The following KLHL20 variants were observed in gnomAD, a reference collection of about 807,000 sequenced individuals.
KLHL20 encodes kelch-like protein 20.
A neutral mutation model predicts 69.5 loss-of-function variants in KLHL20; 29 were observed. That is an observed-to-expected ratio of 0.42 (90% CI 0.31 to 0.57). The LOEUF is 0.57. Ranked by LOEUF, KLHL20 falls within the 20% of genes least tolerant of loss-of-function variation. KLHL20 has a pLI of 0.18. For missense variants in KLHL20, 419 were observed against 776.0 expected (o/e 0.54, Z 5.47); for synonymous variants, 253 against 265.2 (o/e 0.95, Z 0.45).
At chr1:173,755,824 T>C in intron 5 of KLHL20, 99 bp from the exon 6 acceptor site, 1 of 710,196 alleles carries the variant, frequency 1.4e-6, no homozygotes, top group Non-Finnish European at 2.4e-6. Context: ...TGATTTATGC[T>C]TGCTTCCCTT....
At chr1:173,715,878 C>A in intron 1 of KLHL20, 125 bp from the exon 2 acceptor site, 1 of 622,806 alleles carries the variant, frequency 1.6e-6, no homozygotes, top group Admixed American at 2.8e-5. Flanking sequence ...CTGCAGAAGG[C>A]CTGTGGTATA....
chr1:173,758,976 G>T (rs991393670), intron 7 of KLHL20, among the ~76,000 whole-genome samples: 1 of 152,204 alleles, frequency 6.6e-6, no homozygotes, highest in South Asian at 2.1e-4. Context: ...ATAGCCTGGG[G>T]CAAGCCTGCT....
chr1:173,759,929 A>G (rs1673723136), intron 7 of KLHL20, among the ~76,000 whole-genome samples: 1 of 152,242 alleles, frequency 6.6e-6, no homozygotes, highest in South Asian at 2.1e-4. Flanking sequence ...CTAATCAGGG[A>G]GGGACCAGAG....
chr1:173,773,017 C>G (rs573231365), intron 8 of KLHL20, among the ~76,000 whole-genome samples: 2 of 152,294 alleles, frequency 1.3e-5, no homozygotes, highest in African/African-American at 4.8e-5. Context: ...CACTCTGTCA[C>G]CCAGGCTGGA....
In KLHL20 at chr1:173,757,055, T is replaced by G; in HGVS notation, c.1047T>G (p.Ala349=). The change falls in exon 7 of 12, where the codon GCT becomes GCG. Residue 349 remains alanine, a synonymous_variant. Transcript: ENST00000209884. ...DPQTNEWRMV[A]SMSKRRCGVG... is the part of the protein sequence containing the mutation. Reference sequence around the variant, plus strand: ...AGACCAATGAATGGAGAATGGTGGCTTCAATGAGCAAAAGGAGATGCGGAG... The same window carrying G: ...AGACCAATGAATGGAGAATGGTGGCGTCAATGAGCAAAAGGAGATGCGGAG... The G allele has an allele frequency of 6.2e-7, 1 of 1,614,170 alleles. No individual in the cohort carries two copies. The highest frequency in any genetic ancestry group is 8.5e-7 in the Non-Finnish European group (1 of 1,180,002).
intron 2 of KLHL20, 132 bp from the exon 3 acceptor site, chr1:173,733,581 C>T (rs1672382773): frequency 5.1e-6 from 4 of 790,284 alleles, no homozygotes; most frequent in African/African-American, 1.7e-5. Context: ...GACATCATCT[C>T]TACAAAAAAT....
intron 3 of KLHL20, among the ~76,000 whole-genome samples, chr1:173,742,999 C>G (rs1251826182): frequency 1.3e-5 from 2 of 150,778 alleles, no homozygotes; most frequent in African/African-American, 4.9e-5. Flanking sequence ...CTCAGAAAAT[C>G]TATTTGGAAC....
At chr1:173,769,968 AAG>A (rs1463881751) in intron 8 of KLHL20, among the ~76,000 whole-genome samples, 1 of 152,098 alleles carries the variant, frequency 6.6e-6, no homozygotes, top group Non-Finnish European at 1.5e-5. Context: ...ACATAAAAAA[AAG>A]AAGGAGCTCC....
chr1:173,744,044 G>A (rs1173511787), intron 3 of KLHL20, among the ~76,000 whole-genome samples: 1 of 152,200 alleles, frequency 6.6e-6, no homozygotes, highest in East Asian at 1.9e-4. Context: ...AGGATTGCAA[G>A]GCCTAAGTTT....
rs1649139278 is a variant in KLHL20, at chr1:173,785,284, T to C, written c.*37T>C. 1 of 1,470,418 alleles carries C rather than the reference T, an allele frequency of 6.8e-7. No homozygotes were observed. The highest frequency in any genetic ancestry group is 1.7e-4 in the Middle Eastern group (1 of 5,722). The allele number at this position is 1,470,418 out of a possible 1,614,324, so 91.1% of individuals were successfully genotyped here. A position where few individuals can be genotyped will look rare whatever the true frequency, so the allele number is the denominator to read the frequency against. On this transcript the variant is annotated 3_prime_UTR_variant, in exon 12 of 12. Transcript: ENST00000209884. ...ACAGTCTTGTATATATTCCTCTGTATTCTGGGGAGCTTTGACCTTGGAGCT... is the reference window on the plus strand; with the variant it reads ...ACAGTCTTGTATATATTCCTCTGTACTCTGGGGAGCTTTGACCTTGGAGCT...
intron 3 of KLHL20, among the ~76,000 whole-genome samples, chr1:173,750,622 C>T (rs1399767596): frequency 6.6e-6 from 1 of 152,106 alleles, no homozygotes; most frequent in Non-Finnish European, 1.5e-5. Context: ...CCATGTTGGC[C>T]AGGCTAGTCT....
chr1:173,716,110 T>A, intron 2 of KLHL20, 44 bp downstream of exon 2: 1 of 1,590,180 alleles, frequency 6.3e-7, no homozygotes, highest in Non-Finnish European at 8.6e-7. Context: ...TGATTAAAAT[T>A]CAGCATGTAA....
Position 173,716,074 on chromosome 1 carries a change from T to A in KLHL20, c.23+8T>A, listed in dbSNP as rs191126695. The A allele has an allele frequency of 4.3e-6, 7 of 1,613,404 alleles. No individual in the cohort carries two copies. The highest frequency in any genetic ancestry group is 5.9e-6 in the Non-Finnish European group (7 of 1,179,542). ...AGGAAAGCCAATGCGCAGGTAGGCATTTAGGAAGAAAACCTTTGGTTTCAC... is the reference window on the plus strand; with the variant it reads ...AGGAAAGCCAATGCGCAGGTAGGCAATTAGGAAGAAAACCTTTGGTTTCAC... On this transcript the variant is annotated splice_region_variant and intron_variant, in intron 2 of 11. Transcript: ENST00000209884.
chr1:173,720,845 G>T (rs1450091032), intron 2 of KLHL20, among the ~76,000 whole-genome samples: 1 of 152,128 alleles, frequency 6.6e-6, no homozygotes, highest in East Asian at 1.9e-4. Flanking sequence ...GTTTCAGTAA[G>T]CCAAGAATAG....
At chr1:173,776,850 A>T (rs2102535195) in intron 10 of KLHL20, among the ~76,000 whole-genome samples, 1 of 152,206 alleles carries the variant, frequency 6.6e-6, no homozygotes, top group African/African-American at 2.4e-5. Flanking sequence ...AAGTCAGATA[A>T]TGTGATTCCT....
intron 3 of KLHL20, among the ~76,000 whole-genome samples, chr1:173,744,720 C>T (rs1363615462): frequency 6.6e-6 from 1 of 152,172 alleles, no homozygotes; most frequent in Non-Finnish European, 1.5e-5. Flanking sequence ...CTTTGCCCCA[C>T]TGATTTCAGA....
chr1:173,724,160 T>C (rs1671842835), intron 2 of KLHL20, among the ~76,000 whole-genome samples: 1 of 151,484 alleles, frequency 6.6e-6, no homozygotes, highest in Admixed American at 6.6e-5. Flanking sequence ...ACATGATATA[T>C]ATGTTTTGGG....
At chr1:173,724,988 T>C (rs1486296448) in intron 2 of KLHL20, among the ~76,000 whole-genome samples, 1 of 152,174 alleles carries the variant, frequency 6.6e-6, no homozygotes, top group Non-Finnish European at 1.5e-5. Flanking sequence ...TTCCCTTAAA[T>C]ATGAAATGCA....
chr1:173,770,889 G>A (rs77779886), intron 8 of KLHL20, among the ~76,000 whole-genome samples: 2,169 of 151,978 alleles, frequency 0.014, 25 homozygotes, highest in Middle Eastern at 0.058. Flanking sequence ...GAAAGAATAC[G>A]CTATATCCTT....
Sources: allele counts gnomAD v4.1 joint callset (sites outside exome capture counted in the v4.1 genomes callset), GRCh38; gene constraint gnomAD v4.1.1; transcripts MANE v1.5; gene names NCBI Gene and HGNC (gene_info 2026-07-23, HGNC 2026-07-21).